Variants in DPP6 observed in about 807,000 individuals in gnomAD.
The protein encoded by DPP6 is dipeptidyl peptidase like 6.
In DPP6, 69 loss-of-function variants were observed where a neutral mutation model predicts 122.6. That is an observed-to-expected ratio of 0.56 (90% CI 0.46 to 0.69). The LOEUF is 0.69. Ranked by LOEUF, DPP6 falls within the 30% of genes least tolerant of loss-of-function variation. The pLI, the probability that DPP6 is intolerant of heterozygous loss-of-function variation, is 0.00. For missense variants in DPP6, 928 were observed against 1,116.9 expected (o/e 0.83, Z 2.41); for synonymous variants, 418 against 433.1 (o/e 0.97, Z 0.43).
intron 1 of DPP6, among the ~76,000 whole-genome samples, chr7:154,320,484 TTTG>T (rs1483233055): frequency 6.6e-6 from 1 of 151,584 alleles, no homozygotes; most frequent in Non-Finnish European, 1.5e-5. Flanking sequence ...TGTTTTTTTT[TTTG>T]TTGTTGTTTT....
chr7:154,791,595 A>C (rs550551389), intron 10 of DPP6, among the ~76,000 whole-genome samples: 1 of 152,094 alleles, frequency 6.6e-6, no homozygotes, highest in African/African-American at 2.4e-5. Context: ...TGCCGGGGGG[A>C]CATGGCCAAA....
At chr7:154,834,214 T>C (rs1202785389) in intron 16 of DPP6, among the ~76,000 whole-genome samples, 1 of 150,846 alleles carries the variant, frequency 6.6e-6, no homozygotes, top group Non-Finnish European at 1.5e-5. Flanking sequence ...ACTCCTGTAA[T>C]CCCAGCACTT....
chr7:154,424,225 A>G (rs1342012399), intron 1 of DPP6, among the ~76,000 whole-genome samples: 3 of 152,218 alleles, frequency 2.0e-5, no homozygotes, highest in African/African-American at 2.4e-5. Flanking sequence ...AAAGAAAGAA[A>G]AGTGTTCAAA....
intron 1 of DPP6, among the ~76,000 whole-genome samples, chr7:154,253,319 A>T (rs1025567734): frequency 6.6e-6 from 1 of 152,196 alleles, no homozygotes; most frequent in Admixed American, 6.5e-5. Context: ...AGCAGGCTGA[A>T]ATAAGCAAAA....
chr7:154,157,042 C>T (rs1234415801), intron 1 of DPP6, among the ~76,000 whole-genome samples: 4 of 152,232 alleles, frequency 2.6e-5, no homozygotes, highest in African/African-American at 9.6e-5. Flanking sequence ...TATACCCTCA[C>T]TGGGATAATT....
chr7:154,795,832 C>T lies in DPP6; in HGVS notation c.1261-13C>T, dbSNP rs1276324101. The T allele has an allele frequency of 1.2e-6, 2 of 1,609,294 alleles. No homozygotes were observed. The highest frequency in any genetic ancestry group is 1.3e-5 in the African/African-American group (1 of 74,696). On this transcript the variant is annotated splice_polypyrimidine_tract_variant and intron_variant, in intron 11 of 25. Coordinates refer to ENST00000377770, the MANE Select transcript of DPP6 (RefSeq NM_130797.4). ...GAAAAACCCTCTTGTCTAATGCTCT[C>T]ATTTCATTTCAGAAACACGAGGATG... is the stretch of plus-strand genomic sequence containing the variant.
At chr7:154,351,083 T>C (rs551021994) in intron 1 of DPP6, among the ~76,000 whole-genome samples, 1 of 152,334 alleles carries the variant, frequency 6.6e-6, no homozygotes, top group Admixed American at 6.5e-5. Flanking sequence ...TAGGAGCATG[T>C]GACGGGGGCA....
At chr7:153,892,361 T>A (rs1381760245) in intron 1 of DPP6, among the ~76,000 whole-genome samples, 2 of 152,120 alleles carry the variant, frequency 1.3e-5, no homozygotes, top group Non-Finnish European at 2.9e-5. Flanking sequence ...TCTCCCAGGC[T>A]GGAATGCAGT....
chr7:153,791,812 CAG>C, the DPP6 span, among the ~76,000 whole-genome samples: 39 of 152,164 alleles, frequency 2.6e-4, no homozygotes, highest in Non-Finnish European at 5.0e-4. Context: ...GAAATTAAGA[CAG>C]AGGTCATGAA....
intron 7 of DPP6, among the ~76,000 whole-genome samples, chr7:154,696,803 T>C (rs1012634926): frequency 2.0e-5 from 3 of 152,228 alleles, no homozygotes; most frequent in Non-Finnish European, 4.4e-5. Context: ...AGAGCTGTGC[T>C]GTGGGCAGCC....
At chr7:154,129,908 AAAAAG>A (rs1808232787) in intron 1 of DPP6, among the ~76,000 whole-genome samples, 1 of 150,464 alleles carries the variant, frequency 6.6e-6, no homozygotes. Context: ...TCAAAAAAAA[AAAAAG>A]AAAAAGAAAA....
Position 154,383,907 on chromosome 7 carries a change from A to AAC in DPP6, c.244-62306_244-62305insCA, listed in dbSNP as rs386411729. Among the ~76,000 whole-genome samples, 455 of 151,450 alleles carry AAC rather than the reference A, an allele frequency of 3.0e-3. 1 individual carries two copies. The highest frequency in any genetic ancestry group is 4.9e-3 in the Non-Finnish European group (331 of 67,768). On this transcript the variant is annotated intron_variant, in intron 1 of 25. Coordinates refer to ENST00000377770, the MANE Select transcript of DPP6 (RefSeq NM_130797.4). ...TCTGTCTCCAAAAAAAAAAAAAAAA[A>AAC]AGTGTTAATGAATTCTTTAAAATAA...
At chr7:153,790,174 G>A in the DPP6 span, among the ~76,000 whole-genome samples, 1,978 of 151,928 alleles carry the variant, frequency 0.013, 38 homozygotes, top group African/African-American at 0.045. Context: ...AAAAGTCCGG[G>A]TGTGCTTTCA....
At chr7:154,666,559 T>C (rs530391105) in intron 6 of DPP6, among the ~76,000 whole-genome samples, 1 of 152,252 alleles carries the variant, frequency 6.6e-6, no homozygotes, top group Non-Finnish European at 1.5e-5. Flanking sequence ...TACATTCTTA[T>C]TAACTATAAT....
chr7:154,749,500 GA>G (rs1391549262), intron 8 of DPP6, among the ~76,000 whole-genome samples: 3 of 132,330 alleles, frequency 2.3e-5, no homozygotes, highest in African/African-American at 2.8e-5. Flanking sequence ...GAGAGGGATG[GA>G]GGCTTTACTG....
In DPP6 at chr7:154,267,460, T is replaced by C. The variant is rs1803497277; in HGVS notation, c.244-178754T>C. Among the ~76,000 whole-genome samples the C allele has an allele frequency of 5.6e-5, 7 of 125,368 alleles. No homozygotes were observed. The South Asian group carries it at 1.5e-3, about 27-fold the overall frequency. 82.2% of individuals were successfully genotyped at this position (125,368 alleles called of 152,430 possible). On this transcript the variant is annotated intron_variant, in intron 1 of 25. Transcript: ENST00000377770. ...CACATACATATATAATGTGTGTATA[T>C]ATTTATCTCTTATAAACACATACAC...
At chr7:154,572,510 C>CTTTTTTTTTT (rs77816407) in intron 5 of DPP6, among the ~76,000 whole-genome samples, 4 of 86,140 alleles carry the variant, frequency 4.6e-5, no homozygotes, top group African/African-American at 9.5e-5. Flanking sequence ...TTTTTCTTTT[C>CTTTTTTTTTT]TTTTTTTTTT....
chr7:154,279,315 G>A (rs1277979648), intron 1 of DPP6, among the ~76,000 whole-genome samples: 2 of 152,160 alleles, frequency 1.3e-5, no homozygotes, highest in Admixed American at 6.5e-5. Context: ...AACAAGTATG[G>A]TGAATCCATC....
the DPP6 span, among the ~76,000 whole-genome samples, chr7:153,813,440 G>A: frequency 6.6e-6 from 1 of 152,104 alleles, no homozygotes; most frequent in East Asian, 1.9e-4. Flanking sequence ...GGACACTTGG[G>A]TTGGTTCCAA....
Sources: gnomAD v4.1 joint callset for allele counts (sites outside exome capture counted in the v4.1 genomes callset) on GRCh38, gnomAD v4.1.1 for gene constraint, MANE v1.5 for transcripts, NCBI Gene and HGNC (gene_info 2026-07-23, HGNC 2026-07-21) for gene names.